The following ELP3 variants were observed in gnomAD, a reference collection of about 807,000 sequenced individuals.
ELP3 encodes elongator acetyltransferase complex subunit 3.
A neutral mutation model predicts 74.9 loss-of-function variants in ELP3; 56 were observed. The ratio of observed to expected loss-of-function variants is 0.75; its 90% confidence interval spans 0.60 to 0.93. ELP3 has a LOEUF of 0.93. Ranked by LOEUF, ELP3 falls within the 40% of genes least tolerant of loss-of-function variation. The pLI is 0.00. For missense variants in ELP3, 573 were observed against 686.5 expected, an observed-to-expected ratio of 0.83 and a Z score of 1.85; for synonymous variants, 222 against 239.8, an observed-to-expected ratio of 0.93 and a Z score of 0.68.
intron 14 of ELP3, among the ~76,000 whole-genome samples, chr8:28,188,671 G>C (rs1275157335): frequency 6.6e-6 from 1 of 152,220 alleles, no homozygotes; most frequent in East Asian, 1.9e-4. Flanking sequence ...ACCTCACCCA[G>C]TGTGCCTTTT....
intron 11 of ELP3, 97 bp downstream of exon 11, chr8:28,156,129 G>T: frequency 1.0e-6 from 1 of 955,278 alleles, no homozygotes; most frequent in Non-Finnish European, 1.6e-6. Context: ...AACCAGACTT[G>T]CGGGTCAGGT....
chr8:28,183,137 C>T (rs1392276549), intron 14 of ELP3: 1 of 456,208 alleles, frequency 2.2e-6, no homozygotes, highest in African/African-American at 2.0e-5. Context: ...ATTTTAATAA[C>T]TTACATATAG....
chr8:28,098,679 C>G (rs1465524696), intron 2 of ELP3, among the ~76,000 whole-genome samples: 2 of 152,240 alleles, frequency 1.3e-5, no homozygotes, highest in Non-Finnish European at 2.9e-5. Context: ...ACCTGCTTTT[C>G]CAAGTTTTTA....
At chr8:28,157,887 A>G (rs1374074101) in intron 11 of ELP3, among the ~76,000 whole-genome samples, 3 of 152,172 alleles carry the variant, frequency 2.0e-5, no homozygotes, top group Admixed American at 6.5e-5. Context: ...GTCTGCAGGC[A>G]GCTCCATGCC....
Position 28,153,247 on chromosome 8 carries a change from C to A in ELP3, c.1101-2695C>A, listed in dbSNP as rs561361773. On this transcript the variant is annotated intron_variant, in intron 10 of 14. Coordinates refer to ENST00000256398, the MANE Select transcript of ELP3 (RefSeq NM_018091.6). ...AAGTACCAAAGAAGGGCCTAATATT[C>A]TTCCCTAATGTCAAATTAAGGCTCC... 9.8e-4 allele frequency among the ~76,000 whole-genome samples: 149 copies of A among 152,292 alleles called. 1 individual carries two copies. The highest frequency in any genetic ancestry group is 2.7e-3 in the South Asian group (13 of 4,828).
intron 7 of ELP3, among the ~76,000 whole-genome samples, chr8:28,117,021 A>C (rs199733952): frequency 6.6e-6 from 1 of 152,144 alleles, no homozygotes; most frequent in East Asian, 1.9e-4. Flanking sequence ...CTATGAAGAT[A>C]AGTTTTTCTC....
At chr8:28,152,901 A>C (rs1412712364) in intron 10 of ELP3, among the ~76,000 whole-genome samples, 1 of 152,326 alleles carries the variant, frequency 6.6e-6, no homozygotes, top group South Asian at 2.1e-4. Flanking sequence ...ATTTAGGTCT[A>C]TGATCCATTT....
At chr8:28,138,502 A>G (rs769863897) in intron 10 of ELP3, among the ~76,000 whole-genome samples, 2 of 152,216 alleles carry the variant, frequency 1.3e-5, no homozygotes, top group Admixed American at 6.5e-5. Context: ...TTTAGAAGCC[A>G]TAAAGTTACC....
chr8:28,148,696 A>AT (rs1813525695), intron 10 of ELP3, among the ~76,000 whole-genome samples: 2 of 152,070 alleles, frequency 1.3e-5, no homozygotes, highest in African/African-American at 2.4e-5. Context: ...ATATTGTGAG[A>AT]TTTTCTACTT....
intron 11 of ELP3, among the ~76,000 whole-genome samples, chr8:28,157,226 T>A (rs1813862727): frequency 7.1e-6 from 1 of 141,342 alleles, no homozygotes; most frequent in Non-Finnish European, 1.5e-5. Context: ...ATCTAGTTCC[T>A]ATAGGCAACA....
upstream of ELP3, among the ~76,000 whole-genome samples, chr8:28,090,780 T>C (rs1811031580): frequency 6.6e-6 from 1 of 151,958 alleles, no homozygotes; most frequent in Non-Finnish European, 1.5e-5. Flanking sequence ...TTATTATCTA[T>C]AGACCTGAAA....
chr8:28,121,933 A>G (rs1446281553), intron 7 of ELP3, among the ~76,000 whole-genome samples: 2 of 152,162 alleles, frequency 1.3e-5, no homozygotes, highest in African/African-American at 4.8e-5. Context: ...CAGGGAAAAC[A>G]TTTTTATTTC....
chr8:28,110,512 A>C, intron 6 of ELP3, 74 bp downstream of exon 6: 1 of 1,229,414 alleles, frequency 8.1e-7, no homozygotes, highest in East Asian at 2.4e-5. Context: ...TGCTTGATTC[A>C]AATTGAACCT....
In ELP3 at chr8:28,189,670, A is replaced by G; in HGVS notation, c.1589A>G (p.Tyr530Cys). 2 of 1,614,136 alleles carry G rather than the reference A, an allele frequency of 1.2e-6. No individual in the cohort carries two copies. Among genetic ancestry groups the G allele is most frequent in the Non-Finnish European group, 8.5e-7 (1 of 1,179,974 alleles). Residue 530 changes from tyrosine to cysteine, a missense_variant, in exon 15 of 15, where the codon TAT (tyrosine) becomes TGT (cysteine). Physicochemically the swap from Tyr to Cys is radical, Grantham distance 194. Coordinates refer to ENST00000256398, the MANE Select transcript of ELP3 (RefSeq NM_018091.6). ...GCAGGGGTCGGCACCAGGAATTATT[A>G]TAGAAAGATCGGCTACAGATTACAA... ...VISGVGTRNY[Y>C]RKIGYRLQGP...
intron 7 of ELP3, among the ~76,000 whole-genome samples, chr8:28,128,184 G>A (rs2130451955): frequency 6.6e-6 from 1 of 152,204 alleles, no homozygotes; most frequent in South Asian, 2.1e-4. Context: ...TAAGAATTGA[G>A]AGATGTTGGC....
intron 5 of ELP3, among the ~76,000 whole-genome samples, chr8:28,109,898 T>G (rs1377295225): frequency 1.3e-5 from 2 of 152,242 alleles, no homozygotes; most frequent in East Asian, 3.8e-4. Flanking sequence ...AGAGTCCTCT[T>G]TCACTTTGCC....
intron 14 of ELP3, among the ~76,000 whole-genome samples, chr8:28,178,168 G>A (rs1814838643): frequency 1.3e-5 from 2 of 152,164 alleles, no homozygotes; most frequent in Non-Finnish European, 2.9e-5. Context: ...TTATAAATGA[G>A]AAATTTCTCA....
chr8:28,108,170 CT>C (rs1261284365), intron 5 of ELP3, among the ~76,000 whole-genome samples, 194 bp downstream of exon 5: 4 of 152,186 alleles, frequency 2.6e-5, no homozygotes, highest in Non-Finnish European at 4.4e-5. Context: ...TAGAGAAATA[CT>C]TACATAAGCA....
At chr8:28,099,345 C>A (rs541237848) in intron 2 of ELP3, among the ~76,000 whole-genome samples, 2 of 151,848 alleles carry the variant, frequency 1.3e-5, no homozygotes, top group Non-Finnish European at 2.9e-5. Flanking sequence ...CTCCTCAGGA[C>A]ATTTGGCAAT....
Sources: allele counts gnomAD v4.1 joint callset (sites outside exome capture counted in the v4.1 genomes callset), GRCh38; gene constraint gnomAD v4.1.1; transcripts MANE v1.5; gene names NCBI Gene and HGNC (gene_info 2026-07-23, HGNC 2026-07-21).